The following UNC13A variants were observed in gnomAD, a reference collection of about 807,000 sequenced individuals.
UNC13A encodes unc-13 homolog A, also known as protein unc-13 homolog A.
UNC13A carries 61 observed loss-of-function variants against 219.7 expected under a neutral mutation model. That is an observed-to-expected ratio of 0.28 (90% CI 0.23 to 0.34). UNC13A has a LOEUF of 0.34. Among genes scored for constraint, UNC13A ranks in the 10% least tolerant of loss-of-function variants. UNC13A has a pLI of 1.00. For synonymous variants in UNC13A, 920 were observed against 884.6 expected, an observed-to-expected ratio of 1.04 and a Z score of -0.71; for missense variants, 1,476 against 2,270.3, an observed-to-expected ratio of 0.65 and a Z score of 7.11.
At chr19:17,687,516 G>T (rs1286475173) in intron 1 of UNC13A, among the ~76,000 whole-genome samples, 3 of 152,058 alleles carry the variant, frequency 2.0e-5, no homozygotes, top group Non-Finnish European at 4.4e-5. Context: ...AGGCCAAAGA[G>T]TTAACTGGAA....
rs71162159 is a variant in UNC13A at position 17,609,124 on chromosome 19, A to ATT, written c.4811+814_4811+815dup. On this transcript the variant is annotated intron_variant, in intron 43 of 43. Coordinates refer to ENST00000519716, the MANE Select transcript of UNC13A (RefSeq NM_001080421.3). ...AGGCGTGCGCCACCACACCCGGCTA[A>ATT]TTTTTTTTTTTTTTTTTGTATTTTT... Among the ~76,000 whole-genome samples, 284 of 128,356 alleles carry ATT rather than the reference A, an allele frequency of 2.2e-3. 2 individuals are homozygous for ATT. Among genetic ancestry groups the ATT allele is most frequent in the African/African-American group, 5.7e-3 (191 of 33,422 alleles). 84.2% of individuals were successfully genotyped at this position (128,356 alleles called of 152,430 possible).
chr19:17,662,166 T>C (rs12978789), intron 8 of UNC13A, among the ~76,000 whole-genome samples: 10,400 of 151,264 alleles, frequency 0.069, 575 homozygotes, highest in African/African-American at 0.15. Flanking sequence ...TCACTTGAAC[T>C]CGGAGGCAGA....
In UNC13A at chr19:17,629,288, G is replaced by T; in HGVS notation, c.3705C>A (p.Ile1235=). The change falls in exon 31 of 44, where the codon ATC becomes ATA. Residue 1235 remains isoleucine, a synonymous_variant. Transcript: ENST00000519716. ...ISNVLLQYAD[I]ISKDFASYCS... is the part of the protein sequence containing the mutation. ...AGTAGGAGGCAAAGTCCTTGGAGAT[G>T]ATGTCTGCATACTGGAGGAGCACAT... 1 of 1,612,494 alleles carries T rather than the reference G, an allele frequency of 6.2e-7. No individual in the cohort carries two copies.
Position 17,630,280 on chromosome 19 carries a change from C to T in UNC13A, c.3534G>A (p.Gln1178=), listed in dbSNP as rs2144998957. The T allele has an allele frequency of 1.9e-6, 3 of 1,561,984 alleles. No homozygotes were observed. Among genetic ancestry groups the T allele is most frequent in the Non-Finnish European group, 1.7e-6 (2 of 1,152,870 alleles). The change falls in exon 30 of 44, where the codon CAG becomes CAA. Residue 1178 remains glutamine (Q), a synonymous_variant. Coordinates refer to ENST00000519716, the MANE Select transcript of UNC13A (RefSeq NM_001080421.3). ...AGGAGAATAGGGCATGCTCTGAGGT[C>T]TGCTGGAACTGCAGGGGGAAGGAGG... ...LERDKKDGFQ[Q]TSEHALFSCS...
At chr19:17,609,837 C>A in intron 43 of UNC13A, 103 bp downstream of exon 43, 1 of 1,522,058 alleles carries the variant, frequency 6.6e-7, no homozygotes, top group Non-Finnish European at 9.0e-7. Flanking sequence ...CCTCCCATTC[C>A]CGGGCCCAGA....
At chr19:17,662,245 CA>C (rs34355216) in intron 8 of UNC13A, among the ~76,000 whole-genome samples, 1,706 of 135,794 alleles carry the variant, frequency 0.013, 14 homozygotes, top group Non-Finnish European at 0.018. Context: ...GACTCTGTTT[CA>C]AAAAAAAAAA....
rs1278525495 is a variant in UNC13A at position 17,601,798 on chromosome 19, T to A, written c.*4256A>T. The A allele has an allele frequency of 6.6e-6, 1 of 152,592 alleles. No individual in the cohort carries two copies. Among genetic ancestry groups the A allele is most frequent in the Non-Finnish European group, 1.5e-5 (1 of 68,042 alleles). 9.5% of individuals were successfully genotyped at this position (152,592 alleles called of 1,614,324 possible). On this transcript the variant is annotated 3_prime_UTR_variant, in exon 44 of 44. Coordinates refer to ENST00000519716, the MANE Select transcript of UNC13A (RefSeq NM_001080421.3). ...GGGGTGTTACTTGACACAGTCAACT[T>A]GATTTTTCTCTGAAACAATAAAAGG...
At chr19:17,639,307 G>A in intron 24 of UNC13A, 90 bp from the exon 25 acceptor site, 1 of 1,586,752 alleles carries the variant, frequency 6.3e-7, no homozygotes, top group Admixed American at 1.8e-5. Flanking sequence ...TTAAGGAAAT[G>A]AAGTGGTATG....
At chr19:17,665,170 A>C (rs1233510142) in intron 7 of UNC13A, among the ~76,000 whole-genome samples, 22 of 151,096 alleles carry the variant, frequency 1.5e-4, no homozygotes, top group Admixed American at 1.5e-3. Flanking sequence ...ATTGCAGTCC[A>C]GTCTGGGTGA....
intron 43 of UNC13A, among the ~76,000 whole-genome samples, chr19:17,606,797 C>T (rs111942990): frequency 6.6e-6 from 1 of 151,166 alleles, no homozygotes; most frequent in Non-Finnish European, 1.5e-5. Context: ...GCCCTTTCCC[C>T]AGCCCCCCAC....
At chr19:17,670,026 A>G (rs1267424661) in intron 4 of UNC13A, among the ~76,000 whole-genome samples, 1 of 144,516 alleles carries the variant, frequency 6.9e-6, no homozygotes, top group Non-Finnish European at 1.5e-5. Context: ...GGCTCACTGC[A>G]AGCTCTGCCT....
chr19:17,645,094 C>T (rs985954655), intron 19 of UNC13A, among the ~76,000 whole-genome samples: 16 of 150,042 alleles, frequency 1.1e-4, no homozygotes, highest in Non-Finnish European at 1.9e-4. Flanking sequence ...CTGCAACCTC[C>T]GCTTCCTGGG....
Position 17,618,907 on chromosome 19 carries a change from T to C in UNC13A, c.4328A>G (p.Lys1443Arg). Reference sequence around the variant, plus strand: ...CCATAATCTATCCCCACTCCTCACCTTGAGTTTGGACAGCTGACCCAGCTC... The same window carrying C: ...CCATAATCTATCCCCACTCCTCACCCTGAGTTTGGACAGCTGACCCAGCTC... Reference protein sequence around the residue: ...AKELGQLSKLKDHMVREEAKS... With the variant: ...AKELGQLSKLRDHMVREEAKS... Residue 1443 changes from lysine to arginine, a missense_variant and splice_region_variant, in exon 39 of 44, where the codon AAG becomes AGG. Lys to Arg is a conservative substitution (Grantham distance 26, BLOSUM62 2). Coordinates refer to ENST00000519716, the MANE Select transcript of UNC13A (RefSeq NM_001080421.3). 6.2e-7 allele frequency: 1 copy of C among 1,613,938 alleles called. No individual in the cohort carries two copies. The highest frequency in any genetic ancestry group is 1.1e-5 in the South Asian group (1 of 91,078).
intron 43 of UNC13A, among the ~76,000 whole-genome samples, chr19:17,609,124 A>ATTTTT (rs71162159): frequency 3.7e-4 from 47 of 128,370 alleles, no homozygotes; most frequent in African/African-American, 1.0e-3. Context: ...CACCCGGCTA[A>ATTTTT]TTTTTTTTTT....
In UNC13A at chr19:17,661,104, C is replaced by CTTTTTTTTT. The variant is rs11287808; in HGVS notation, c.559+2419_559+2427dup. ...CAGGGGCGTGCCACCACACCCGGCC[C>CTTTTTTTTT]TTTTTTTTTTTTTTTGTAGAGATGG... is the stretch of plus-strand genomic sequence containing the variant. On this transcript the variant is annotated intron_variant, in intron 8 of 43. Transcript: ENST00000519716. Among the ~76,000 whole-genome samples, 43 of 135,384 alleles carry CTTTTTTTTT rather than the reference C, an allele frequency of 3.2e-4. 2 individuals carry two copies. The highest frequency in any genetic ancestry group is 1.2e-3 in the South Asian group (5 of 4,156). The allele number at this position is 135,384 out of a possible 152,430, so 88.8% of individuals were successfully genotyped here. A position where few individuals can be genotyped will look rare whatever the true frequency, so the allele number is the denominator to read the frequency against.
intron 7 of UNC13A, among the ~76,000 whole-genome samples, chr19:17,666,283 G>A (rs1287907194): frequency 1.3e-5 from 2 of 150,706 alleles, no homozygotes; most frequent in African/African-American, 4.9e-5. Flanking sequence ...CATGATCTTG[G>A]CCCACTGCAG....
intron 31 of UNC13A, among the ~76,000 whole-genome samples, chr19:17,628,652 TACTC>T (rs1350978444): frequency 6.6e-6 from 1 of 151,836 alleles, no homozygotes; most frequent in African/African-American, 2.4e-5. Flanking sequence ...TGAACACACA[TACTC>T]ACACATACAT....
intron 2 of UNC13A, among the ~76,000 whole-genome samples, chr19:17,675,100 G>T (rs1351274176): frequency 1.3e-5 from 2 of 152,248 alleles, no homozygotes; most frequent in Admixed American, 6.5e-5. Context: ...GGTCAAGGGG[G>T]GAGGATTGCT....
Position 17,655,928 on chromosome 19 carries a change from G to T in UNC13A, c.1238C>A (p.Ala413Glu). Residue 413 changes from alanine (A) to glutamate (E), a missense_variant, in exon 10 of 44, where the codon GCA (alanine) becomes GAA (glutamate). Coordinates refer to ENST00000519716, the MANE Select transcript of UNC13A (RefSeq NM_001080421.3). ...PKPATPDKVPAAEQIPEAEPP... is the reference protein window; with the variant it reads ...PKPATPDKVPEAEQIPEAEPP... ...CTCAGCCTCAGGGATCTGCTCAGCTGCAGGCACCTTGTCGGGCGTGGCTGG... is the reference window on the plus strand; with the variant it reads ...CTCAGCCTCAGGGATCTGCTCAGCTTCAGGCACCTTGTCGGGCGTGGCTGG... 1 of 1,539,570 alleles carries T rather than the reference G, an allele frequency of 6.5e-7. No homozygotes were observed. The highest frequency in any genetic ancestry group is 8.7e-7 in the Non-Finnish European group (1 of 1,145,872).
Sources: allele counts gnomAD v4.1 joint callset (sites outside exome capture counted in the v4.1 genomes callset), GRCh38; gene constraint gnomAD v4.1.1; transcripts MANE v1.5; gene names NCBI Gene and HGNC (gene_info 2026-07-23, HGNC 2026-07-21).